Variants in GRIK3 observed in about 807,000 individuals in gnomAD.
GRIK3 encodes glutamate ionotropic receptor kainate type subunit 3.
GRIK3 carries 29 observed loss-of-function variants against 102.5 expected under a neutral mutation model. That is an observed-to-expected ratio of 0.28 (90% CI 0.21 to 0.39). The LOEUF (loss-of-function observed/expected upper bound fraction) is 0.39. Ranked by LOEUF, GRIK3 falls within the 10% of genes least tolerant of loss-of-function variation. The pLI is 1.00. For missense variants in GRIK3, 908 were observed against 1,252.4 expected, an observed-to-expected ratio of 0.73 and a Z score of 4.15; for synonymous variants, 511 against 504.9, an observed-to-expected ratio of 1.01 and a Z score of -0.16.
chr1:36,861,714 T>C (rs1278427969), intron 5 of GRIK3, among the ~76,000 whole-genome samples: 2 of 152,204 alleles, frequency 1.3e-5, no homozygotes, highest in African/African-American at 2.4e-5. Context: ...ACTGTGTTGG[T>C]TTCCTCTTCA....
At chr1:36,971,300 T>C (rs1316152060) in intron 1 of GRIK3, among the ~76,000 whole-genome samples, 1 of 152,158 alleles carries the variant, frequency 6.6e-6, no homozygotes, top group Non-Finnish European at 1.5e-5. Flanking sequence ...ATTCAAGAGC[T>C]TGGAGGGGAA....
chr1:36,895,541 A>T (rs1641163109), intron 1 of GRIK3, among the ~76,000 whole-genome samples: 1 of 152,214 alleles, frequency 6.6e-6, no homozygotes, highest in Admixed American at 6.5e-5. Context: ...ACAGCTGAGA[A>T]GTGGGTCTCT....
At chr1:36,975,090 G>C (rs1642181579) in intron 1 of GRIK3, among the ~76,000 whole-genome samples, 1 of 152,108 alleles carries the variant, frequency 6.6e-6, no homozygotes, top group Non-Finnish European at 1.5e-5. Flanking sequence ...AGATGTACAA[G>C]ATTGTGAATC....
chr1:36,928,035 C>A (rs1641547996), intron 1 of GRIK3, among the ~76,000 whole-genome samples: 2 of 152,194 alleles, frequency 1.3e-5, no homozygotes, highest in Admixed American at 6.5e-5. Context: ...ACTTGTCCTG[C>A]TCAAAGAGAG....
intron 1 of GRIK3, among the ~76,000 whole-genome samples, chr1:37,001,198 C>T (rs577952567): frequency 1.1e-3 from 168 of 152,318 alleles, no homozygotes; most frequent in African/African-American, 3.9e-3. Context: ...AAGACGAGCT[C>T]CCATGAGCCA....
intron 10 of GRIK3, 85 bp from the exon 11 acceptor site, chr1:36,825,911 T>C: frequency 1.0e-6 from 1 of 989,020 alleles, no homozygotes; most frequent in Non-Finnish European, 1.5e-6. Flanking sequence ...GGAGGAGAGA[T>C]GAGGGTGAAG....
chr1:36,922,258 G>T (rs1359874806), intron 1 of GRIK3, among the ~76,000 whole-genome samples: 1 of 152,216 alleles, frequency 6.6e-6, no homozygotes, highest in Non-Finnish European at 1.5e-5. Flanking sequence ...GTGCCTCGTG[G>T]TTCCTGAGGA....
chr1:37,008,158 C>G (rs752677203), intron 1 of GRIK3, among the ~76,000 whole-genome samples: 1 of 152,162 alleles, frequency 6.6e-6, no homozygotes, highest in Non-Finnish European at 1.5e-5. Flanking sequence ...AGTGGACTTA[C>G]GGGGTCTCGC....
At chr1:36,875,587 A>G (rs1226829652) in intron 3 of GRIK3, among the ~76,000 whole-genome samples, 1 of 152,232 alleles carries the variant, frequency 6.6e-6, no homozygotes, top group African/African-American at 2.4e-5. Flanking sequence ...TGTCATGACA[A>G]TGTGCCTCGG....
At chr1:37,006,566 G>A (rs573588497) in intron 1 of GRIK3, among the ~76,000 whole-genome samples, 1 of 152,374 alleles carries the variant, frequency 6.6e-6, no homozygotes, top group East Asian at 1.9e-4. Context: ...CAGCTAATGG[G>A]AGGTTTGAGT....
chr1:37,013,219 G>A (rs1195710553), intron 1 of GRIK3, among the ~76,000 whole-genome samples: 1 of 152,202 alleles, frequency 6.6e-6, no homozygotes, highest in East Asian at 1.9e-4. Context: ...GGGGGAAACT[G>A]CTCTCATGAT....
In GRIK3 at chr1:36,993,994, A is replaced by G. The variant is rs116702781; in HGVS notation, c.115+40000T>C. ...AGGATCACAAGCACAGTCCTAATACATACCCTGCCAGAAGCCCACCACAAC... is the reference window on the plus strand; with the variant it reads ...AGGATCACAAGCACAGTCCTAATACGTACCCTGCCAGAAGCCCACCACAAC... On this transcript the variant is annotated intron_variant, in intron 1 of 15. Transcript: ENST00000373091. Among the ~76,000 whole-genome samples the G allele has an allele frequency of 5.9e-3, 899 of 152,260 alleles. 6 individuals are homozygous for G. The highest frequency in any genetic ancestry group is 9.4e-3 in the Non-Finnish European group (636 of 67,996).
At chr1:36,822,555 G>T (rs575835085) in intron 11 of GRIK3, among the ~76,000 whole-genome samples, 6 of 152,306 alleles carry the variant, frequency 3.9e-5, no homozygotes, top group African/African-American at 1.4e-4. Flanking sequence ...TGTAGCTTGC[G>T]GTTGCAAGGG....
chr1:36,812,430 G>A (rs1444335224), intron 13 of GRIK3, among the ~76,000 whole-genome samples: 1 of 152,148 alleles, frequency 6.6e-6, no homozygotes, highest in African/African-American at 2.4e-5. Flanking sequence ...TCTCTTCAAA[G>A]CTGTGCAGCC....
At chr1:36,897,975 A>T (rs905166051) in intron 1 of GRIK3, among the ~76,000 whole-genome samples, 2 of 152,158 alleles carry the variant, frequency 1.3e-5, no homozygotes. Context: ...AAAGAATGAG[A>T]TCATCTCATT....
intron 1 of GRIK3, among the ~76,000 whole-genome samples, chr1:36,925,286 C>T (rs1236716543): frequency 6.6e-6 from 1 of 152,228 alleles, no homozygotes; most frequent in East Asian, 1.9e-4. Context: ...ACACGGCACA[C>T]ACACATTGCA....
rs1004103672 is a variant in GRIK3, at chr1:36,810,621, T to A, written c.2092-4295A>T. ...CCAAAGGGAGCTGAATTTCAGAGAA[T>A]GTGTGCAGAGATGCAGTAGCAATGG... On this transcript the variant is annotated intron_variant, in intron 13 of 15. Transcript: ENST00000373091. Among the ~76,000 whole-genome samples, 4 of 152,340 alleles carry A rather than the reference T, an allele frequency of 2.6e-5. No homozygotes were observed. The East Asian group carries it at 5.8e-4, about 22-fold the overall frequency.
chr1:37,002,711 C>T (rs1186246606), intron 1 of GRIK3, among the ~76,000 whole-genome samples: 2 of 142,770 alleles, frequency 1.4e-5, no homozygotes, highest in Non-Finnish European at 3.0e-5. Context: ...CAGAGACTTA[C>T]TCTGTCACCC....
chr1:36,941,730 C>T (rs1454973896), intron 1 of GRIK3, among the ~76,000 whole-genome samples: 1 of 152,142 alleles, frequency 6.6e-6, no homozygotes, highest in Non-Finnish European at 1.5e-5. Context: ...TCACAACTGC[C>T]CTGCAAAATC....
Sources: allele counts gnomAD v4.1 joint callset (sites outside exome capture counted in the v4.1 genomes callset), GRCh38; gene constraint gnomAD v4.1.1; transcripts MANE v1.5; gene names NCBI Gene and HGNC (gene_info 2026-07-23, HGNC 2026-07-21).